Variants in TCF24 observed in about 807,000 individuals in gnomAD.
TCF24 encodes transcription factor 24.
Under a neutral mutation model 9.3 loss-of-function variants are expected in TCF24, and 5 were observed. The observed-to-expected ratio is 0.54, with a 90% CI of 0.28 to 1.13. TCF24 has a LOEUF of 1.13. TCF24 is among the 50% of genes most tolerant of loss of function. The probability of loss-of-function intolerance (pLI) is 0.09; values close to 1 mark genes in which losing one functional copy is unlikely to be tolerated. For synonymous variants in TCF24, 110 were observed against 115.8 expected (o/e 0.95, Z 0.32); for missense variants, 220 against 236.1 (o/e 0.93, Z 0.45).
chr8:66,961,404 C>A lies in TCF24; in HGVS notation c.362G>T (p.Arg121Leu). 1 of 1,509,448 alleles carries A rather than the reference C, an allele frequency of 6.6e-7. No homozygotes were observed. Among genetic ancestry groups the A allele is most frequent in the Non-Finnish European group, 8.8e-7 (1 of 1,135,286 alleles). 93.5% of individuals were successfully genotyped at this position (1,509,448 alleles called of 1,614,324 possible). Residue 121 changes from arginine to leucine, a missense_variant, in exon 3 of 4, where the codon CGC becomes CTC. Coordinates refer to ENST00000563496, the MANE Select transcript of TCF24 (RefSeq NM_001193502.2). ...APADAGLGAL[R>L]GDGYLHPVKK... is the part of the protein sequence containing the mutation. ...GACCGGGTGCAGGTAGCCATCGCCG[C>A]GCAGGGCGCCCAACCCGGCGTCCGC... is the stretch of plus-strand genomic sequence containing the variant.
At chr8:66,953,112 TTA>T (rs1814084846) in intron 3 of TCF24, among the ~76,000 whole-genome samples, 1 of 148,234 alleles carries the variant, frequency 6.7e-6, no homozygotes, top group African/African-American at 2.5e-5. Flanking sequence ...GTTAATATTG[TTA>T]TGTGTGAATT....
chr8:66,958,225 T>C (rs962540151), intron 3 of TCF24, among the ~76,000 whole-genome samples: 1 of 152,186 alleles, frequency 6.6e-6, no homozygotes, highest in Admixed American at 6.5e-5. Flanking sequence ...AAAAAGCCAG[T>C]TGACTGATTT....
intron 3 of TCF24, among the ~76,000 whole-genome samples, chr8:66,956,682 C>T (rs1172547783): frequency 6.6e-6 from 1 of 152,114 alleles, no homozygotes; most frequent in Non-Finnish European, 1.5e-5. Context: ...GTTTTAGAAA[C>T]TGGAGTGAGG....
chr8:66,948,643 GA>G (rs1814000462), intron 3 of TCF24, among the ~76,000 whole-genome samples: 1 of 149,408 alleles, frequency 6.7e-6, no homozygotes, highest in African/African-American at 2.5e-5. Flanking sequence ...GGACCACAAT[GA>G]AAAGTGTCAA....
intron 3 of TCF24, among the ~76,000 whole-genome samples, chr8:66,959,843 T>C (rs1349000025): frequency 2.0e-5 from 3 of 152,184 alleles, no homozygotes; most frequent in Non-Finnish European, 2.9e-5. Flanking sequence ...AAAACAGTTA[T>C]GATTACAAAA....
intron 3 of TCF24, among the ~76,000 whole-genome samples, chr8:66,953,678 T>C (rs1814094283): frequency 6.6e-6 from 1 of 152,152 alleles, no homozygotes. Flanking sequence ...CTGGATAATA[T>C]CCTGCAGAGT....
chr8:66,957,349 G>A (rs558242469), intron 3 of TCF24, among the ~76,000 whole-genome samples: 13 of 149,404 alleles, frequency 8.7e-5, no homozygotes, highest in East Asian at 2.0e-4. Context: ...CCCAGGAGGC[G>A]GAGGTTGCAG....
In TCF24 at chr8:66,949,886, T is replaced by C. The variant is rs1263008791; in HGVS notation, c.391-1722A>G. Among the ~76,000 whole-genome samples, 9 of 143,812 alleles carry C rather than the reference T, an allele frequency of 6.3e-5. No individual in the cohort carries two copies. The East Asian group carries it at 1.4e-3, about 22-fold the overall frequency. 94.3% of individuals were successfully genotyped at this position (143,812 alleles called of 152,430 possible). A position where few individuals can be genotyped will look rare whatever the true frequency, so the allele number is the denominator to read the frequency against. On this transcript the variant is annotated intron_variant, in intron 3 of 3. Transcript: ENST00000563496. ...GATGAGCATTTTTTCATGTGTTTTT[T>C]GGCTGCATAAATGTCTTCTTTTGAG...
chr8:66,954,736 A>C (rs1266354839), intron 3 of TCF24, among the ~76,000 whole-genome samples: 2 of 152,218 alleles, frequency 1.3e-5, no homozygotes, highest in Non-Finnish European at 2.9e-5. Flanking sequence ...CTGTGCTAGC[A>C]ATCAGTGAGA....
At position 66,947,327 on chromosome 8, in the gene TCF24, A is replaced by C. The variant is rs1813979638; in HGVS notation, c.*724T>G. 1 of 152,188 alleles carries C rather than the reference A, an allele frequency of 6.6e-6. No homozygotes were observed. The highest frequency in any genetic ancestry group is 1.5e-5 in the Non-Finnish European group (1 of 68,042). The allele number at this position is 152,188 out of a possible 1,614,324, so 9.4% of individuals were successfully genotyped here. A position where few individuals can be genotyped will look rare whatever the true frequency, so the allele number is the denominator to read the frequency against. The stretch of plus-strand genomic sequence containing the variant: ...TGAGACTCCATCTCTACAAAAAATA[A>C]AAGAATTAGCCAGGTGTGGTGACAT... On this transcript the variant is annotated 3_prime_UTR_variant, in exon 4 of 4. Coordinates refer to ENST00000563496, the MANE Select transcript of TCF24 (RefSeq NM_001193502.2).
In TCF24 at chr8:66,961,523, G is replaced by C; in HGVS notation, c.243C>G (p.Pro81=). The C allele has an allele frequency of 1.3e-6, 2 of 1,514,930 alleles. No homozygotes were observed. Among genetic ancestry groups the C allele is most frequent in the Non-Finnish European group, 8.8e-7 (1 of 1,138,526 alleles). 93.8% of individuals were successfully genotyped at this position (1,514,930 alleles called of 1,614,324 possible). ...CGTCCAGCTTGGACAGCTTGGTGTC[G>C]GGCGGCACGGACGGCAGCGTGCGCT... ...ELQRTLPSVP[P]DTKLSKLDVL... is the part of the protein sequence containing the mutation. Residue 81 remains proline (P), a synonymous_variant, in exon 3 of 4, where the codon CCC becomes CCG. Transcript: ENST00000563496.
In TCF24 at chr8:66,962,520, C is replaced by T. The variant is rs1295952226; in HGVS notation, c.-326G>A. ...CGCCCCGCGGCCAGGCGTGTGTGCT[C>T]CGACCGGCTAAGGCAGGTCGGGCGG... On this transcript the variant is annotated 5_prime_UTR_variant, in exon 1 of 4. Coordinates refer to ENST00000563496, the MANE Select transcript of TCF24 (RefSeq NM_001193502.2). The T allele has an allele frequency of 6.6e-6, 1 of 152,450 alleles. No individual in the cohort carries two copies. The highest frequency in any genetic ancestry group is 1.5e-5 in the Non-Finnish European group (1 of 68,232). The allele number at this position is 152,450 out of a possible 1,614,324, so 9.4% of individuals were successfully genotyped here. A position where few individuals can be genotyped will look rare whatever the true frequency, so the allele number is the denominator to read the frequency against.
intron 3 of TCF24, among the ~76,000 whole-genome samples, chr8:66,958,267 T>G (rs1459946642): frequency 4.6e-5 from 7 of 152,238 alleles, no homozygotes; most frequent in Non-Finnish European, 1.0e-4. Context: ...GTTTCAGGAT[T>G]GTGCAGATTA....
chr8:66,957,540 C>A (rs879620717), intron 3 of TCF24, among the ~76,000 whole-genome samples: 3 of 151,992 alleles, frequency 2.0e-5, no homozygotes, highest in Non-Finnish European at 4.4e-5. Flanking sequence ...GGAACTAAAC[C>A]CTGCATCTTG....
At chr8:66,951,230 G>C (rs955549364) in intron 3 of TCF24, among the ~76,000 whole-genome samples, 5 of 141,618 alleles carry the variant, frequency 3.5e-5, no homozygotes, top group Non-Finnish European at 7.6e-5. Flanking sequence ...CTGTGGGTTT[G>C]TCATAGATAG....
At chr8:66,952,828 T>G (rs1176561815) in intron 3 of TCF24, among the ~76,000 whole-genome samples, 1 of 150,300 alleles carries the variant, frequency 6.7e-6, no homozygotes, top group Non-Finnish European at 1.5e-5. Flanking sequence ...CTTGTTGAAT[T>G]GATCCCTTTA....
intron 3 of TCF24, among the ~76,000 whole-genome samples, chr8:66,952,098 T>G (rs201793388): frequency 2.1e-4 from 32 of 149,092 alleles, no homozygotes; most frequent in African/African-American, 7.6e-4. Context: ...ATTTCCTTCA[T>G]TTCTGCTCTG....
intron 3 of TCF24, among the ~76,000 whole-genome samples, chr8:66,949,959 T>C (rs1585940884): frequency 6.9e-6 from 1 of 144,670 alleles, no homozygotes; most frequent in East Asian, 2.0e-4. Context: ...GGTTGTTTGT[T>C]TTTTTCTTGT....
At position 66,947,932 on chromosome 8, in the gene TCF24, A is replaced by G. The variant is rs923758384; in HGVS notation, c.*119T>C. 7 of 645,848 alleles carry G rather than the reference A, an allele frequency of 1.1e-5. No individual in the cohort carries two copies. In the African/African-American group the frequency reaches 1.1e-4, roughly 10 times the overall value. The allele number at this position is 645,848 out of a possible 1,614,324, so 40.0% of individuals were successfully genotyped here. On this transcript the variant is annotated 3_prime_UTR_variant, in exon 4 of 4. Transcript: ENST00000563496. ...GACAGATAAACCTGAACATCCAACT[A>G]TGGGTTCACATGTAAACTTTCAGAA...
Sources: gnomAD v4.1 joint callset for allele counts (sites outside exome capture counted in the v4.1 genomes callset) on GRCh38, gnomAD v4.1.1 for gene constraint, MANE v1.5 for transcripts, NCBI Gene and HGNC (gene_info 2026-07-23, HGNC 2026-07-21) for gene names.